Variants in PEAK1 observed in about 807,000 individuals in gnomAD.
PEAK1 encodes inactive tyrosine-protein kinase PEAK1.
PEAK1 carries 54 observed loss-of-function variants against 124.7 expected under a neutral mutation model. The ratio of observed to expected loss-of-function variants is 0.43; its 90% CI spans 0.35 to 0.54. The LOEUF (loss-of-function observed/expected upper bound fraction) is 0.54, where lower values mean the gene tolerates loss of function less well. Among genes scored for constraint, PEAK1 ranks in the 20% least tolerant of loss-of-function variants. The pLI is 0.01. For synonymous variants in PEAK1, 719 were observed against 760.0 expected (o/e 0.95, Z 0.89); for missense variants, 2,046 against 2,134.5 (o/e 0.96, Z 0.82).
intron 2 of PEAK1, among the ~76,000 whole-genome samples, chr15:77,301,741 T>C (rs1254717842): frequency 6.6e-6 from 1 of 152,138 alleles, no homozygotes; most frequent in African/African-American, 2.4e-5. Flanking sequence ...ACTGCACTCA[T>C]TGAAGGAAAG....
intron 7 of PEAK1, among the ~76,000 whole-genome samples, chr15:77,160,168 A>C (rs2055504345): frequency 6.6e-6 from 1 of 152,156 alleles, no homozygotes; most frequent in Non-Finnish European, 1.5e-5. Context: ...AATATGGAGC[A>C]CCATAAAATC....
At chr15:77,137,077 G>A (rs983360785) in intron 8 of PEAK1, among the ~76,000 whole-genome samples, 1 of 152,260 alleles carries the variant, frequency 6.6e-6, no homozygotes, top group Admixed American at 6.5e-5. Flanking sequence ...CAGCTTCCAT[G>A]TGGCGTTGAG....
At chr15:77,226,055 ATATATAT>A (rs1227658791) in intron 6 of PEAK1, among the ~76,000 whole-genome samples, 2 of 24,596 alleles carry the variant, frequency 8.1e-5, no homozygotes, top group Non-Finnish European at 1.4e-4. Flanking sequence ...ATATATATAT[ATATATAT>A]ATATATATAT....
At chr15:77,285,671 T>C (rs72742492) in intron 3 of PEAK1, among the ~76,000 whole-genome samples, 278 of 152,330 alleles carry the variant, frequency 1.8e-3, no homozygotes, top group Non-Finnish European at 3.3e-3. Flanking sequence ...ATTTTGTCTT[T>C]CATATTCATA....
chr15:77,266,307 C>T (rs936015099), intron 5 of PEAK1, among the ~76,000 whole-genome samples: 1 of 150,230 alleles, frequency 6.7e-6, no homozygotes, highest in Non-Finnish European at 1.5e-5. Context: ...ATCAAAGAAC[C>T]AAATAATTTT....
chr15:77,145,176 C>T (rs558305699), intron 8 of PEAK1, among the ~76,000 whole-genome samples: 1 of 152,266 alleles, frequency 6.6e-6, no homozygotes, highest in East Asian at 1.9e-4. Context: ...AGGCCAGGTG[C>T]GGTGGCTCAT....
intron 2 of PEAK1, among the ~76,000 whole-genome samples, chr15:77,324,571 G>C (rs796953099): frequency 2.6e-4 from 39 of 152,294 alleles, no homozygotes; most frequent in African/African-American, 8.7e-4. Flanking sequence ...AATTTATAAA[G>C]AAAAGAGGTA....
intron 2 of PEAK1, chr15:77,335,460 T>C (rs1244471253): frequency 2.0e-6 from 2 of 985,284 alleles, no homozygotes; most frequent in Non-Finnish European, 2.4e-6. Flanking sequence ...TGTATTCTTA[T>C]CACTATACAT....
intron 1 of PEAK1, among the ~76,000 whole-genome samples, chr15:77,395,022 C>A (rs1251176240): frequency 6.6e-6 from 1 of 151,972 alleles, no homozygotes; most frequent in African/African-American, 2.4e-5. Context: ...TTTAAACAAA[C>A]TAAAATTGCT....
intron 6 of PEAK1, among the ~76,000 whole-genome samples, chr15:77,199,976 A>G (rs1008359721): frequency 6.6e-6 from 1 of 152,226 alleles, no homozygotes; most frequent in Non-Finnish European, 1.5e-5. Flanking sequence ...TACTGTATGG[A>G]AACATTTTTA....
chr15:77,222,045 CT>C (rs1050875123), intron 6 of PEAK1, among the ~76,000 whole-genome samples: 2 of 151,280 alleles, frequency 1.3e-5, no homozygotes, highest in African/African-American at 4.8e-5. Context: ...GGAATTAATT[CT>C]TTTTTTTTCT....
intron 2 of PEAK1, among the ~76,000 whole-genome samples, chr15:77,290,528 C>T (rs990376612): frequency 6.6e-6 from 1 of 152,102 alleles, no homozygotes; most frequent in East Asian, 1.9e-4. Context: ...GCTGGGATTA[C>T]AGGCATAAGC....
At chr15:77,191,861 G>A (rs2057849463) in intron 6 of PEAK1, among the ~76,000 whole-genome samples, 1 of 152,128 alleles carries the variant, frequency 6.6e-6, no homozygotes, top group African/African-American at 2.4e-5. Context: ...GCTGATGTGA[G>A]AGGCTAAATT....
chr15:77,142,014 A>G (rs938874253), intron 8 of PEAK1, among the ~76,000 whole-genome samples: 1 of 152,208 alleles, frequency 6.6e-6, no homozygotes, highest in African/African-American at 2.4e-5. Context: ...ATAAACTTTT[A>G]TGCTTCAAAG....
chr15:77,184,264 A>G (rs2152825022), intron 6 of PEAK1, among the ~76,000 whole-genome samples: 1 of 152,224 alleles, frequency 6.6e-6, no homozygotes, highest in Non-Finnish European at 1.5e-5. Context: ...TAAAACTACA[A>G]TGTGCTACCA....
chr15:77,357,248 T>C (rs62010566), intron 2 of PEAK1, among the ~76,000 whole-genome samples: 55,338 of 152,146 alleles, frequency 0.36, 10,215 homozygotes, highest in Non-Finnish European at 0.39. Flanking sequence ...TCAGCCTGAG[T>C]GACAGAGTAA....
chr15:77,129,107 T>C (rs903399007), intron 9 of PEAK1, among the ~76,000 whole-genome samples: 1 of 152,154 alleles, frequency 6.6e-6, no homozygotes, highest in Non-Finnish European at 1.5e-5. Flanking sequence ...TTATAAGAGA[T>C]ACCAGTGCAT....
chr15:77,180,992 C>G lies in PEAK1; in HGVS notation c.935G>C (p.Ser312Thr). The G allele has an allele frequency of 6.2e-7, 1 of 1,614,196 alleles. No homozygotes were observed. Among genetic ancestry groups the G allele is most frequent in the South Asian group, 1.1e-5 (1 of 91,086 alleles). The change falls in exon 7 of 10, where the codon AGC (serine) becomes ACC (threonine). Residue 312 changes from serine to threonine, a missense_variant. Physicochemically the swap from Ser to Thr is moderately conservative, Grantham distance 58 (BLOSUM62 1). Transcript: ENST00000682557. ...ATAACCATTCAGGATTTCATCATAGCTGTCATCATAGTCCACAGCACAGAT... is the reference window on the plus strand; with the variant it reads ...ATAACCATTCAGGATTTCATCATAGGTGTCATCATAGTCCACAGCACAGAT... ...QRICAVDYDD[S>T]YDEILNGYEE...
chr15:77,321,806 T>C (rs2065237116), intron 2 of PEAK1, among the ~76,000 whole-genome samples: 1 of 152,214 alleles, frequency 6.6e-6, no homozygotes, highest in Non-Finnish European at 1.5e-5. Flanking sequence ...CATTTAAGTC[T>C]TTAATCCATC....
Sources: gnomAD v4.1 joint callset for allele counts (sites outside exome capture counted in the v4.1 genomes callset) on GRCh38, gnomAD v4.1.1 for gene constraint, MANE v1.5 for transcripts, NCBI Gene and HGNC (gene_info 2026-07-23, HGNC 2026-07-21) for gene names.